The following SNX24 variants were observed in gnomAD, a reference collection of about 807,000 sequenced individuals.
SNX24 encodes sorting nexin-24.
SNX24 carries 22 observed loss-of-function variants against 28.7 expected under a neutral mutation model. The observed-to-expected ratio is 0.77, with a 90% CI of 0.55 to 1.10. The LOEUF (loss-of-function observed/expected upper bound fraction) is 1.10, where lower values mean the gene tolerates loss of function less well. Among genes scored for constraint, SNX24 ranks in the 50% least tolerant of loss-of-function variants. The pLI is 0.00. For synonymous variants in SNX24, 69 were observed against 71.5 expected (o/e 0.96, Z 0.18); for missense variants, 221 against 201.1 (o/e 1.10, Z -0.60).
intron 1 of SNX24, among the ~76,000 whole-genome samples, chr5:122,875,815 G>A (rs1391149761): frequency 6.6e-6 from 1 of 152,218 alleles, no homozygotes; most frequent in Non-Finnish European, 1.5e-5. Flanking sequence ...TTGAGACACA[G>A]TCTTGCTCTT....
intron 3 of SNX24, among the ~76,000 whole-genome samples, chr5:122,952,527 C>T (rs1759993916): frequency 1.3e-5 from 2 of 152,154 alleles, no homozygotes; most frequent in South Asian, 4.1e-4. Context: ...AGCACTGCTG[C>T]TGACATACTA....
At position 122,960,375 on chromosome 5, in the gene SNX24, C is replaced by T. The variant is rs372424420; in HGVS notation, c.249+14216C>T. Among the ~76,000 whole-genome samples, 16 of 152,248 alleles carry T rather than the reference C, an allele frequency of 1.1e-4. No homozygotes were observed. The East Asian group carries it at 2.9e-3, about 28-fold the overall frequency. The stretch of plus-strand genomic sequence containing the variant: ...ACTGCTAGTTTGTAGCACTAAACTA[C>T]AAAATTTTTAGTCCCTAAACTATTT... On this transcript the variant is annotated intron_variant, in intron 3 of 6. Transcript: ENST00000261369.
At chr5:122,886,562 C>T (rs558491233) in intron 1 of SNX24, among the ~76,000 whole-genome samples, 38 of 152,250 alleles carry the variant, frequency 2.5e-4, no homozygotes, top group Admixed American at 2.2e-3. Flanking sequence ...TGCCTGTAAT[C>T]CCAGCACTTT....
At chr5:122,927,794 C>G (rs931421572) in intron 1 of SNX24, among the ~76,000 whole-genome samples, 1 of 152,116 alleles carries the variant, frequency 6.6e-6, no homozygotes, top group African/African-American at 2.4e-5. Context: ...ATTTATATCT[C>G]TAGTTAAGAC....
chr5:122,891,616 A>G lies in SNX24; in HGVS notation c.61-45118A>G, dbSNP rs575545345. ...TTTCCACACTTCCTGCTCTTTAAGC[A>G]GTAATACATACTCCCAAAGAAGGCC... On this transcript the variant is annotated intron_variant, in intron 1 of 6. Coordinates refer to ENST00000261369, the MANE Select transcript of SNX24 (RefSeq NM_014035.4). Among the ~76,000 whole-genome samples, 163 of 152,352 alleles carry G rather than the reference A, an allele frequency of 1.1e-3. 1 individual carries two copies. The highest frequency in any genetic ancestry group is 3.8e-3 in the African/African-American group (156 of 41,568).
chr5:122,954,601 T>C (rs1760124063), intron 3 of SNX24, among the ~76,000 whole-genome samples: 2 of 152,066 alleles, frequency 1.3e-5, no homozygotes, highest in South Asian at 4.2e-4. Context: ...TCTTGAACAT[T>C]ACAAGGGCCT....
chr5:122,925,326 C>T (rs1031612364), intron 1 of SNX24, among the ~76,000 whole-genome samples: 3 of 148,478 alleles, frequency 2.0e-5, no homozygotes, highest in African/African-American at 7.5e-5. Flanking sequence ...CAGTCTCAAC[C>T]CCCTGGGCTC....
At chr5:122,865,269 C>T (rs1394971200) in intron 1 of SNX24, among the ~76,000 whole-genome samples, 1 of 152,216 alleles carries the variant, frequency 6.6e-6, no homozygotes, top group Admixed American at 6.5e-5. Context: ...TTAAACCATA[C>T]TTAATTAAAG....
At chr5:122,914,261 G>A (rs1217480018) in intron 1 of SNX24, among the ~76,000 whole-genome samples, 5 of 152,222 alleles carry the variant, frequency 3.3e-5, no homozygotes, top group Non-Finnish European at 7.3e-5. Flanking sequence ...TGATCATGAT[G>A]GATAAGCTTT....
At chr5:122,890,922 T>C in intron 1 of SNX24, 1 of 1,139,474 alleles carries the variant, frequency 8.8e-7, no homozygotes, top group Non-Finnish European at 1.1e-6. Flanking sequence ...AATTAAAATT[T>C]TTATCCCTTC....
At chr5:122,858,228 C>T (rs918862384) in intron 1 of SNX24, among the ~76,000 whole-genome samples, 3 of 152,170 alleles carry the variant, frequency 2.0e-5, no homozygotes, top group Non-Finnish European at 4.4e-5. Flanking sequence ...GATCACAGAT[C>T]ACCATAACAG....
chr5:122,951,681 A>G (rs1391464434), intron 3 of SNX24, among the ~76,000 whole-genome samples: 3 of 152,248 alleles, frequency 2.0e-5, no homozygotes, highest in Non-Finnish European at 4.4e-5. Flanking sequence ...GGGCAAGGAA[A>G]AGAGAAGATC....
chr5:122,885,236 C>T (rs954596943), intron 1 of SNX24, among the ~76,000 whole-genome samples: 1 of 152,080 alleles, frequency 6.6e-6, no homozygotes, highest in African/African-American at 2.4e-5. Context: ...ATGTTGCTTC[C>T]TTCCTGCTTG....
At chr5:122,856,414 A>C (rs1445786782) in intron 1 of SNX24, among the ~76,000 whole-genome samples, 1 of 151,892 alleles carries the variant, frequency 6.6e-6, no homozygotes, top group African/African-American at 2.4e-5. Context: ...TGCTACTGTG[A>C]ATAGTGCTGT....
At chr5:122,851,365 C>G (rs1754911147) in intron 1 of SNX24, among the ~76,000 whole-genome samples, 1 of 152,092 alleles carries the variant, frequency 6.6e-6, no homozygotes, top group East Asian at 1.9e-4. Flanking sequence ...GGAGTTTCAT[C>G]ATGTTGGCCA....
At chr5:122,902,655 A>G (rs1381584473) in intron 1 of SNX24, among the ~76,000 whole-genome samples, 1 of 152,208 alleles carries the variant, frequency 6.6e-6, no homozygotes, top group Non-Finnish European at 1.5e-5. Flanking sequence ...CCTATTGGCC[A>G]GTACTGGATT....
chr5:122,957,103 A>C (rs1249529374), intron 3 of SNX24, among the ~76,000 whole-genome samples: 4 of 152,136 alleles, frequency 2.6e-5, no homozygotes. Context: ...ATCCAGTGTC[A>C]CAAAGCTTTT....
At chr5:122,929,252 T>G (rs1233475805) in intron 1 of SNX24, among the ~76,000 whole-genome samples, 1 of 152,194 alleles carries the variant, frequency 6.6e-6, no homozygotes, top group Non-Finnish European at 1.5e-5. Flanking sequence ...CTTTTGCACA[T>G]GCTCTGCCCA....
intron 1 of SNX24, among the ~76,000 whole-genome samples, chr5:122,889,219 T>TA (rs1756846773): frequency 1.3e-5 from 2 of 152,170 alleles, no homozygotes; most frequent in Admixed American, 1.3e-4. Flanking sequence ...GCAAAACTAA[T>TA]ACAAAGAATT....
Sources: allele counts gnomAD v4.1 joint callset (sites outside exome capture counted in the v4.1 genomes callset), GRCh38; gene constraint gnomAD v4.1.1; transcripts MANE v1.5; gene names NCBI Gene and HGNC (gene_info 2026-07-23, HGNC 2026-07-21).